Variants in ANXA8 observed in about 807,000 individuals in gnomAD.
ANXA8 encodes the protein VAC-beta.
In ANXA8, 9 loss-of-function variants were observed where a neutral mutation model predicts 26.8. The ratio of observed to expected loss-of-function variants is 0.34; its 90% confidence interval spans 0.20 to 0.59. ANXA8 has a LOEUF of 0.59. Ranked by LOEUF, ANXA8 falls within the 20% of genes least tolerant of loss-of-function variation. The pLI, the probability that ANXA8 is intolerant of heterozygous loss-of-function variation, is 0.84. For missense variants in ANXA8, 83 were observed against 238.5 expected (o/e 0.35, Z 4.29); for synonymous variants, 39 against 94.8 (o/e 0.41, Z 3.42).
chr10:47,986,694 G>C, the ANXA8 span: 1 of 357,332 alleles, frequency 2.8e-6, no homozygotes. Flanking sequence ...CGTCACTCCG[G>C]CTTCCACTGC....
the ANXA8 span, among the ~76,000 whole-genome samples, chr10:47,944,414 G>A: frequency 6.7e-6 from 1 of 149,370 alleles, no homozygotes; most frequent in African/African-American, 2.5e-5. Context: ...CCCAAGGGGG[G>A]CCCTGAGTCT....
the ANXA8 span, among the ~76,000 whole-genome samples, chr10:47,733,984 A>G: frequency 6.6e-6 from 1 of 152,076 alleles, no homozygotes; most frequent in African/African-American, 2.4e-5. Flanking sequence ...CTTACCAGGC[A>G]GGGTTCAGCC....
chr10:47,973,461 AC>A, the ANXA8 span: 7 of 145,602 alleles, frequency 4.8e-5, no homozygotes, highest in Non-Finnish European at 3.1e-5. Context: ...CACCCATCTT[AC>A]TTGGATGAAG....
the ANXA8 span, chr10:47,581,279 A>G: frequency 4.0e-6 from 2 of 495,856 alleles, no homozygotes; most frequent in Non-Finnish European, 8.0e-6. Flanking sequence ...CTCAAGAAGC[A>G]GGCGTTCCTG....
chr10:47,889,015 TG>T, the ANXA8 span, among the ~76,000 whole-genome samples: 2 of 109,532 alleles, frequency 1.8e-5, no homozygotes, highest in Non-Finnish European at 2.0e-5. Flanking sequence ...TGTGTGTGTG[TG>T]TATTTATTTA....
the ANXA8 span, among the ~76,000 whole-genome samples, chr10:47,664,645 G>A: frequency 6.6e-6 from 1 of 150,938 alleles, no homozygotes; most frequent in Non-Finnish European, 1.5e-5. Flanking sequence ...TTCTGTTATT[G>A]TGTTGGATAA....
the ANXA8 span, among the ~76,000 whole-genome samples, chr10:47,764,031 A>G: frequency 4.6e-5 from 7 of 151,796 alleles, no homozygotes; most frequent in African/African-American, 9.7e-5. Context: ...GGGAGCCCTC[A>G]GGGCCAGGGT....
the ANXA8 span, among the ~76,000 whole-genome samples, chr10:47,929,992 C>T: frequency 6.6e-6 from 1 of 152,182 alleles, no homozygotes; most frequent in Admixed American, 6.5e-5. Context: ...CCTGTGTCTG[C>T]AGATCATCCA....
chr10:47,573,779 C>T, the ANXA8 span, among the ~76,000 whole-genome samples: 1 of 136,642 alleles, frequency 7.3e-6, no homozygotes, highest in Non-Finnish European at 1.6e-5. Context: ...TTTTGTTGTC[C>T]TTGTTGACTT....
chr10:47,981,241 A>G, the ANXA8 span, among the ~76,000 whole-genome samples: 2 of 150,988 alleles, frequency 1.3e-5, no homozygotes, highest in Non-Finnish European at 3.0e-5. Flanking sequence ...ATTTGACAAA[A>G]TCAATATCCT....
the ANXA8 span, among the ~76,000 whole-genome samples, chr10:47,525,860 A>G: frequency 8.2e-6 from 1 of 121,446 alleles, no homozygotes. Flanking sequence ...GCTGGACTGC[A>G]ATGGCGTGAT....
At chr10:47,591,698 G>A in the ANXA8 span, among the ~76,000 whole-genome samples, 19 of 135,272 alleles carry the variant, frequency 1.4e-4, no homozygotes, top group East Asian at 4.1e-4. Flanking sequence ...CGCCCACCTC[G>A]GCCTCCCAAA....
the ANXA8 span, among the ~76,000 whole-genome samples, chr10:47,610,571 G>A: frequency 1.1e-5 from 1 of 93,566 alleles, no homozygotes; most frequent in Non-Finnish European, 2.1e-5. Context: ...AATGATTTGT[G>A]TTAATGTTAA....
At position 47,484,103 on chromosome 10, in the gene ANXA8, G is replaced by A. The variant is rs1233995548; in HGVS notation, c.-170C>T. On this transcript the variant is annotated 5_prime_UTR_variant, in exon 1 of 12. Transcript: ENST00000585281. ...CGCCACACCTGCCTGCCGTCCCCTC[G>A]CCCCCGGGCTCTGCCTGGCTTTGGG... The A allele has an allele frequency of 5.2e-5, 81 of 1,551,092 alleles. No homozygotes were observed. The highest frequency in any genetic ancestry group is 2.5e-4 in the Admixed American group (14 of 56,976).
the ANXA8 span, among the ~76,000 whole-genome samples, chr10:47,945,365 C>T: frequency 1.5e-4 from 22 of 150,668 alleles, 1 homozygote; most frequent in Admixed American, 1.2e-3. Flanking sequence ...TATGGGCTCA[C>T]GGGAAAACCC....
At chr10:47,646,085 C>T in the ANXA8 span, among the ~76,000 whole-genome samples, 1 of 149,616 alleles carries the variant, frequency 6.7e-6, no homozygotes, top group African/African-American at 2.6e-5. Flanking sequence ...GTATCTGTAT[C>T]TCTGTGTCAT....
chr10:47,498,312 T>C, the ANXA8 span, among the ~76,000 whole-genome samples: 1 of 146,572 alleles, frequency 6.8e-6, no homozygotes, highest in South Asian at 2.1e-4. Flanking sequence ...TTCATCCATG[T>C]TGTAGCATGT....
the ANXA8 span, among the ~76,000 whole-genome samples, chr10:47,549,954 A>G: frequency 1.3e-5 from 2 of 149,806 alleles, no homozygotes; most frequent in Non-Finnish European, 3.0e-5. Context: ...AAACATAAAA[A>G]TTAAAAAAAA....
chr10:47,689,336 G>A, the ANXA8 span, among the ~76,000 whole-genome samples: 5 of 151,588 alleles, frequency 3.3e-5, no homozygotes, highest in African/African-American at 4.8e-5. Context: ...GTGCTACCAC[G>A]CCCAGCTAAT....
Sources: gnomAD v4.1 joint callset for allele counts (sites outside exome capture counted in the v4.1 genomes callset) on GRCh38, gnomAD v4.1.1 for gene constraint, MANE v1.5 for transcripts, NCBI Gene and HGNC (gene_info 2026-07-23, HGNC 2026-07-21) for gene names.